CHODL: variants seen among roughly 807,000 people sequenced by gnomAD.
The protein encoded by CHODL is transmembrane protein MT75.
A neutral mutation model predicts 34.5 loss-of-function variants in CHODL; 29 were observed. The ratio of observed to expected loss-of-function variants is 0.84; its 90% confidence interval spans 0.63 to 1.15. The LOEUF (loss-of-function observed/expected upper bound fraction) is 1.15, where lower values mean the gene tolerates loss of function less well. CHODL is among the 50% of genes most tolerant of loss of function. The pLI, the probability that CHODL is intolerant of heterozygous loss-of-function variation, is 0.00. For synonymous variants in CHODL, 125 were observed against 116.1 expected, an observed-to-expected ratio of 1.08 and a Z score of -0.49; for missense variants, 332 against 332.5, an observed-to-expected ratio of 1.00 and a Z score of 0.01.
At chr21:18,014,058 C>G (rs1422045468) in intron 1 of CHODL, among the ~76,000 whole-genome samples, 1 of 152,052 alleles carries the variant, frequency 6.6e-6, no homozygotes, top group Non-Finnish European at 1.5e-5. Flanking sequence ...TTTGTGGGCA[C>G]AAGCTGATAG....
intron 2 of CHODL, among the ~76,000 whole-genome samples, chr21:18,132,845 C>T (rs1312923069): frequency 1.3e-5 from 2 of 151,958 alleles, no homozygotes; most frequent in African/African-American, 4.8e-5. Flanking sequence ...CCATCCCGTC[C>T]AATTATGTTT....
chr21:18,025,668 A>C (rs1431202815), intron 1 of CHODL, among the ~76,000 whole-genome samples: 1 of 152,074 alleles, frequency 6.6e-6, no homozygotes, highest in African/African-American at 2.4e-5. Context: ...AAATACCCCC[A>C]GACTGGATGT....
At chr21:18,132,496 C>G (rs981867805) in intron 2 of CHODL, among the ~76,000 whole-genome samples, 5 of 152,102 alleles carry the variant, frequency 3.3e-5, no homozygotes, top group Non-Finnish European at 5.9e-5. Context: ...AAAGTTCAAA[C>G]TTTATTGTTT....
intron 1 of CHODL, among the ~76,000 whole-genome samples, chr21:17,961,317 C>G (rs987316257): frequency 5.3e-5 from 8 of 152,166 alleles, no homozygotes; most frequent in Admixed American, 5.2e-4. Flanking sequence ...TACCTAAAAG[C>G]AAGTTTGGCC....
At chr21:17,995,914 C>T (rs2063844692) in intron 1 of CHODL, among the ~76,000 whole-genome samples, 1 of 152,216 alleles carries the variant, frequency 6.6e-6, no homozygotes, top group Non-Finnish European at 1.5e-5. Context: ...GTATCTCCTA[C>T]ATCTGTATTT....
chr21:18,016,082 AAAGAACAGC>A (rs1391529453), intron 1 of CHODL, among the ~76,000 whole-genome samples: 1 of 152,246 alleles, frequency 6.6e-6, no homozygotes, highest in African/African-American at 2.4e-5. Flanking sequence ...TTGCATAAGT[AAAGAACAGC>A]CGAATATTAT....
chr21:18,236,970 G>C (rs1256339856), intron 2 of CHODL, among the ~76,000 whole-genome samples: 1 of 152,076 alleles, frequency 6.6e-6, no homozygotes, highest in African/African-American at 2.4e-5. Flanking sequence ...TTTTCCTATA[G>C]GAGACTGGTG....
At chr21:18,181,889 C>T (rs1317521331) in intron 2 of CHODL, among the ~76,000 whole-genome samples, 1 of 152,184 alleles carries the variant, frequency 6.6e-6, no homozygotes, top group African/African-American at 2.4e-5. Flanking sequence ...TTCAACACTT[C>T]ATTTGTTTTT....
In CHODL at chr21:18,145,435, C is replaced by CAAAAAAAAAAAAAAAAA. The variant is rs10671177; in HGVS notation, c.-44-111068_-44-111052dup. On this transcript the variant is annotated intron_variant, in intron 2 of 6. Coordinates refer to the CHODL transcript ENST00000400127. ...CTAGGGGACGAGTGAGACTACCTTT[C>CAAAAAAAAAAAAAAAAA]AAAAAAAAAAAAAAAAAAAAAAGCG... 3.3e-5 allele frequency among the ~76,000 whole-genome samples: 2 copies of CAAAAAAAAAAAAAAAAA among 60,894 alleles called. 1 individual carries two copies. The highest frequency in any genetic ancestry group is 6.6e-5 in the Non-Finnish European group (2 of 30,106). The allele number at this position is 60,894 out of a possible 152,430, so 39.9% of individuals were successfully genotyped here.
chr21:17,918,102 G>C (rs558741781), intron 1 of CHODL, among the ~76,000 whole-genome samples: 2 of 152,170 alleles, frequency 1.3e-5, no homozygotes, highest in African/African-American at 2.4e-5. Context: ...GATAAGGAAG[G>C]TGTTAGGCAG....
At chr21:18,069,877 TGA>T (rs963850341) in intron 2 of CHODL, among the ~76,000 whole-genome samples, 2 of 151,910 alleles carry the variant, frequency 1.3e-5, no homozygotes, top group African/African-American at 4.8e-5. Context: ...CCCAAAGTGC[TGA>T]GATTACAGAC....
At chr21:18,178,160 C>T (rs2073339319) in intron 2 of CHODL, among the ~76,000 whole-genome samples, 1 of 152,098 alleles carries the variant, frequency 6.6e-6, no homozygotes, top group African/African-American at 2.4e-5. Context: ...TCAAATTATA[C>T]TTTGTGATAT....
chr21:18,266,203 C>A lies in CHODL; in HGVS notation c.*165C>A. The A allele has an allele frequency of 6.5e-7, 1 of 1,537,542 alleles. No individual in the cohort carries two copies. The highest frequency in any genetic ancestry group is 1.2e-5 in the South Asian group (1 of 81,364). On this transcript the variant is annotated 3_prime_UTR_variant, in exon 6 of 6. Coordinates refer to ENST00000299295, the MANE Select transcript of CHODL (RefSeq NM_024944.3). ...AGTAATTTTTATATGTCTATTATTT[C>A]ATTTAAAGAATATGCTGTGCTAATA...
intron 2 of CHODL, among the ~76,000 whole-genome samples, chr21:18,095,088 C>T (rs1441809031): frequency 6.6e-6 from 1 of 151,246 alleles, no homozygotes; most frequent in Admixed American, 6.6e-5. Context: ...CACACCACTG[C>T]ACTCTAGCCT....
intron 2 of CHODL, among the ~76,000 whole-genome samples, chr21:18,129,890 CTCTG>C (rs1398102098): frequency 3.0e-4 from 34 of 113,466 alleles, no homozygotes; most frequent in Admixed American, 3.6e-4. Flanking sequence ...CTCTGTCTTT[CTCTG>C]TGTGTGTGTG....
chr21:18,223,831 G>T (rs942450324), intron 2 of CHODL, among the ~76,000 whole-genome samples: 4 of 151,926 alleles, frequency 2.6e-5, no homozygotes, highest in African/African-American at 9.7e-5. Context: ...ATACAAGAAG[G>T]CAGGGAATGA....
At chr21:18,126,716 T>C (rs766493958) in intron 2 of CHODL, among the ~76,000 whole-genome samples, 4 of 151,738 alleles carry the variant, frequency 2.6e-5, no homozygotes, top group African/African-American at 9.7e-5. Flanking sequence ...TCTTAAAGAG[T>C]TGAAAATGGC....
intron 2 of CHODL, among the ~76,000 whole-genome samples, chr21:18,050,380 A>T (rs2064498657): frequency 6.6e-6 from 1 of 151,980 alleles, no homozygotes; most frequent in African/African-American, 2.4e-5. Context: ...TTTAAGCAAG[A>T]AAGGCATTTC....
At chr21:18,122,090 G>A (rs1405289367) in intron 2 of CHODL, among the ~76,000 whole-genome samples, 2 of 152,044 alleles carry the variant, frequency 1.3e-5, no homozygotes, top group African/African-American at 4.8e-5. Context: ...TGATTACCTT[G>A]CTTTAATCTC....
Sources: gnomAD v4.1 joint callset for allele counts (sites outside exome capture counted in the v4.1 genomes callset) on GRCh38, gnomAD v4.1.1 for gene constraint, MANE v1.5 for transcripts, NCBI Gene and HGNC (gene_info 2026-07-23, HGNC 2026-07-21) for gene names.